TMEM132D: variants seen among roughly 807,000 people sequenced by gnomAD.
TMEM132D encodes mature OL transmembrane protein.
A neutral mutation model predicts 62.3 loss-of-function variants in TMEM132D; 21 were observed. That is an observed-to-expected ratio of 0.34 (90% CI 0.24 to 0.49). The LOEUF is 0.49. Among genes scored for constraint, TMEM132D ranks in the 20% least tolerant of loss-of-function variants. TMEM132D has a pLI of 0.99. For synonymous variants in TMEM132D, 621 were observed against 575.6 expected (o/e 1.08, Z -1.13); for missense variants, 1,346 against 1,402.8 (o/e 0.96, Z 0.65).
intron 5 of TMEM132D, among the ~76,000 whole-genome samples, chr12:129,101,222 G>C (rs1472408960): frequency 6.6e-6 from 1 of 152,242 alleles, no homozygotes; most frequent in African/African-American, 2.4e-5. Flanking sequence ...TGGCCCATTG[G>C]TTCATCCTGG....
chr12:129,707,226 T>C (rs974995967), intron 1 of TMEM132D, among the ~76,000 whole-genome samples: 4 of 148,178 alleles, frequency 2.7e-5, no homozygotes, highest in Non-Finnish European at 4.5e-5. Context: ...ATATTATATA[T>C]GTATATAATA....
At chr12:129,243,753 T>G (rs1008001567) in intron 4 of TMEM132D, among the ~76,000 whole-genome samples, 5 of 152,138 alleles carry the variant, frequency 3.3e-5, no homozygotes, top group Non-Finnish European at 7.3e-5. Flanking sequence ...GGGATTTTCT[T>G]TAGCATGAAT....
chr12:129,610,213 G>A (rs552294165), intron 2 of TMEM132D, among the ~76,000 whole-genome samples: 1 of 151,632 alleles, frequency 6.6e-6, no homozygotes, highest in South Asian at 2.1e-4. Flanking sequence ...GGAGGCAGAG[G>A]CTGCAGTGAG....
chr12:129,687,247 A>G (rs79709494), intron 2 of TMEM132D, among the ~76,000 whole-genome samples: 3,348 of 152,276 alleles, frequency 0.022, 172 homozygotes, highest in South Asian at 0.12. Flanking sequence ...CAAAGCATAT[A>G]AAGGAGGAAT....
chr12:129,432,975 T>C (rs1031117103), intron 3 of TMEM132D, among the ~76,000 whole-genome samples: 2 of 152,128 alleles, frequency 1.3e-5, no homozygotes, highest in Non-Finnish European at 2.9e-5. Flanking sequence ...TCTGGCAACA[T>C]AGGGTAGTTT....
chr12:129,690,677 T>C (rs1458408413), intron 2 of TMEM132D, among the ~76,000 whole-genome samples: 1 of 152,062 alleles, frequency 6.6e-6, no homozygotes, highest in Non-Finnish European at 1.5e-5. Flanking sequence ...ATCTAACAAA[T>C]GCACAACAAA....
At chr12:129,890,920 G>A (rs538613233) in intron 1 of TMEM132D, among the ~76,000 whole-genome samples, 17 of 152,318 alleles carry the variant, frequency 1.1e-4, no homozygotes, top group African/African-American at 4.1e-4. Flanking sequence ...AGGACGGAAC[G>A]TGAAAGTTTC....
intron 2 of TMEM132D, among the ~76,000 whole-genome samples, chr12:129,639,115 G>T (rs530673890): frequency 1.6e-4 from 24 of 152,228 alleles, no homozygotes; most frequent in African/African-American, 5.8e-4. Context: ...GGGCATGGTT[G>T]CTCACACCTG....
At chr12:129,379,495 T>A (rs1415446794) in intron 3 of TMEM132D, among the ~76,000 whole-genome samples, 1 of 152,216 alleles carries the variant, frequency 6.6e-6, no homozygotes, top group Non-Finnish European at 1.5e-5. Flanking sequence ...TCTGTAGTGG[T>A]AATGACCTAT....
chr12:129,743,357 G>A (rs891649177), intron 1 of TMEM132D, among the ~76,000 whole-genome samples: 4 of 152,168 alleles, frequency 2.6e-5, no homozygotes, highest in Admixed American at 6.5e-5. Flanking sequence ...CCCCCATGCT[G>A]CTGTTCGCAC....
intron 4 of TMEM132D, among the ~76,000 whole-genome samples, chr12:129,271,485 T>C (rs1337382263): frequency 2.6e-5 from 4 of 151,762 alleles, no homozygotes; most frequent in Admixed American, 2.0e-4. Flanking sequence ...GGTGGTTTGC[T>C]GCATCCATCA....
chr12:129,120,503 T>A (rs961259862), intron 5 of TMEM132D, among the ~76,000 whole-genome samples: 1 of 152,162 alleles, frequency 6.6e-6, no homozygotes, highest in Non-Finnish European at 1.5e-5. Flanking sequence ...TACCTGGCCA[T>A]ACTCTTCAAA....
intron 3 of TMEM132D, among the ~76,000 whole-genome samples, chr12:129,424,356 A>G (rs1311574544): frequency 6.6e-6 from 1 of 152,132 alleles, no homozygotes; most frequent in African/African-American, 2.4e-5. Flanking sequence ...TTTCCCATAC[A>G]TCCTCTTTTC....
intron 3 of TMEM132D, among the ~76,000 whole-genome samples, chr12:129,405,251 G>A (rs776686294): frequency 7.9e-5 from 12 of 151,930 alleles, no homozygotes; most frequent in South Asian, 2.1e-4. Context: ...GTGCCTTCTC[G>A]TGTGCTTTCA....
chr12:129,388,310 ATGAATC>A (rs1871180553), intron 3 of TMEM132D, among the ~76,000 whole-genome samples: 3 of 119,214 alleles, frequency 2.5e-5, no homozygotes, highest in Admixed American at 8.3e-5. Flanking sequence ...TAACACTAAC[ATGAATC>A]CTAATATAAA....
chr12:129,746,251 G>T (rs1038425829), intron 1 of TMEM132D, among the ~76,000 whole-genome samples: 2 of 152,192 alleles, frequency 1.3e-5, no homozygotes, highest in African/African-American at 2.4e-5. Context: ...GACCTGACAG[G>T]TAAAGAGTCT....
intron 3 of TMEM132D, among the ~76,000 whole-genome samples, chr12:129,381,217 A>G (rs1215788745): frequency 6.6e-6 from 1 of 152,222 alleles, no homozygotes; most frequent in African/African-American, 2.4e-5. Context: ...GCCAAAGTTG[A>G]TATTAAGAGA....
intron 4 of TMEM132D, among the ~76,000 whole-genome samples, chr12:129,266,926 C>G (rs900257): frequency 0.066 from 10,079 of 152,130 alleles, 538 homozygotes; most frequent in Admixed American, 0.17. Flanking sequence ...ACATCCCAGC[C>G]CCAGTCTGTT....
In TMEM132D at chr12:129,074,722, A is replaced by G. The variant is rs778164559; in HGVS notation, c.2453T>C (p.Met818Thr). ...CCTTCTGTCACTGACATTGTTTTCC[A>G]TGTGAACCCCTGCCCCTGTGTGTCT... is the stretch of plus-strand genomic sequence containing the variant. ...DSRHTGAGVH[M>T]ENNVSDRRPK... Residue 818 changes from methionine to threonine, a missense_variant, in exon 9 of 9, where the codon ATG becomes ACG. By Grantham distance (81) the Met-to-Thr change is moderately conservative. Transcript: ENST00000422113. The G allele has an allele frequency of 1.9e-6, 3 of 1,614,024 alleles. No homozygotes were observed. The highest frequency in any genetic ancestry group is 1.6e-4 in the Middle Eastern group (1 of 6,062).
Sources: allele counts gnomAD v4.1 joint callset (sites outside exome capture counted in the v4.1 genomes callset), GRCh38; gene constraint gnomAD v4.1.1; transcripts MANE v1.5; gene names NCBI Gene and HGNC (gene_info 2026-07-23, HGNC 2026-07-21).